ISM1: variants seen among roughly 807,000 people sequenced by gnomAD.
ISM1 encodes isthmin 1, also known as isthmin-1.
Under a neutral mutation model 46.3 loss-of-function variants are expected in ISM1, and 25 were observed. The ratio of observed to expected loss-of-function variants is 0.54; its 90% confidence interval spans 0.39 to 0.75. The LOEUF (loss-of-function observed/expected upper bound fraction) is 0.75. Ranked by LOEUF, ISM1 falls within the 30% of genes least tolerant of loss-of-function variation. The probability of loss-of-function intolerance (pLI) is 0.00; values close to 1 mark genes in which losing one functional copy is unlikely to be tolerated. For synonymous variants in ISM1, 255 were observed against 256.7 expected (o/e 0.99, Z 0.06); for missense variants, 536 against 625.4 (o/e 0.86, Z 1.52).
At chr20:13,278,019 A>G (rs951405413) in intron 2 of ISM1, among the ~76,000 whole-genome samples, 5 of 152,190 alleles carry the variant, frequency 3.3e-5, no homozygotes, top group African/African-American at 1.2e-4. Flanking sequence ...CAGCAACTCT[A>G]TCAGATGTCA....
intron 3 of ISM1, among the ~76,000 whole-genome samples, chr20:13,283,503 G>A (rs2040259115): frequency 6.6e-6 from 1 of 152,100 alleles, no homozygotes; most frequent in Non-Finnish European, 1.5e-5. Flanking sequence ...AATACATGTA[G>A]GATACAATGG....
chr20:13,283,596 G>A (rs964567444), intron 3 of ISM1, among the ~76,000 whole-genome samples: 1 of 152,206 alleles, frequency 6.6e-6, no homozygotes, highest in Non-Finnish European at 1.5e-5. Flanking sequence ...ATGATGCTGT[G>A]AGTCAGCTCA....
intron 1 of ISM1, among the ~76,000 whole-genome samples, chr20:13,234,677 G>C (rs2039627742): frequency 6.6e-6 from 1 of 152,104 alleles, no homozygotes; most frequent in African/African-American, 2.4e-5. Context: ...TCTCATTGTG[G>C]TTTTAATTTT....
At chr20:13,313,865 G>C in the ISM1 span, among the ~76,000 whole-genome samples, 2 of 152,176 alleles carry the variant, frequency 1.3e-5, no homozygotes, top group African/African-American at 4.8e-5. Context: ...AGGGTGCTAA[G>C]GGCTCTAATG....
intron 1 of ISM1, 90 bp downstream of exon 1, chr20:13,222,004 G>T: frequency 8.5e-7 from 1 of 1,178,090 alleles, no homozygotes; most frequent in Non-Finnish European, 1.1e-6. Context: ...GATGCAGGGA[G>T]GCAGGTCCCC....
intron 1 of ISM1, among the ~76,000 whole-genome samples, chr20:13,223,022 G>A (rs1247072541): frequency 1.3e-5 from 2 of 152,124 alleles, no homozygotes; most frequent in Admixed American, 6.5e-5. Flanking sequence ...AATTAGCTGG[G>A]CGTGGTGGCG....
downstream of ISM1, among the ~76,000 whole-genome samples, chr20:13,304,610 G>T (rs2040485712): frequency 6.6e-6 from 1 of 152,166 alleles, no homozygotes. Flanking sequence ...CAGTGAGCTT[G>T]CACAGAAGAC....
At chr20:13,273,967 A>C (rs550102030) in intron 2 of ISM1, among the ~76,000 whole-genome samples, 5 of 152,326 alleles carry the variant, frequency 3.3e-5, no homozygotes, top group Admixed American at 2.0e-4. Context: ...GGAAGACCAC[A>C]AAATGTTAGT....
chr20:13,235,613 G>A (rs1257630135), intron 1 of ISM1, among the ~76,000 whole-genome samples: 1 of 152,104 alleles, frequency 6.6e-6, no homozygotes, highest in Non-Finnish European at 1.5e-5. Context: ...TCATCCTATG[G>A]GTTGCTCTGG....
chr20:13,303,595 T>C (rs560836547), downstream of ISM1, among the ~76,000 whole-genome samples: 6 of 152,298 alleles, frequency 3.9e-5, no homozygotes, highest in South Asian at 1.2e-3. Flanking sequence ...AGTCAGGCAA[T>C]GTGCAGAGGG....
At chr20:13,258,326 C>T (rs538519452) in intron 1 of ISM1, among the ~76,000 whole-genome samples, 131 of 152,230 alleles carry the variant, frequency 8.6e-4, no homozygotes, top group Non-Finnish European at 1.6e-3. Context: ...CTTTGGTTAA[C>T]AGTAGCCTCT....
At position 13,242,990 on chromosome 20, in the gene ISM1, A is replaced by G. The variant is rs1422793942; in HGVS notation, c.138+21076A>G. Among the ~76,000 whole-genome samples the G allele has an allele frequency of 3.3e-5, 5 of 152,188 alleles. No homozygotes were observed. In the East Asian group the frequency reaches 9.6e-4, roughly 29 times the overall value. On this transcript the variant is annotated intron_variant, in intron 1 of 5. Coordinates refer to ENST00000262487, the MANE Select transcript of ISM1 (RefSeq NM_080826.2). ...TGAGGTAGGCATTATTGTTATCCTCATTTTACACAATAAGGTTAAGTACCT... is the reference window on the plus strand; with the variant it reads ...TGAGGTAGGCATTATTGTTATCCTCGTTTTACACAATAAGGTTAAGTACCT...
chr20:13,322,040 G>T, the ISM1 span, among the ~76,000 whole-genome samples: 2 of 152,328 alleles, frequency 1.3e-5, no homozygotes, highest in East Asian at 3.9e-4. Context: ...TTGTGCATGT[G>T]TATCGCTTAA....
intron 1 of ISM1, among the ~76,000 whole-genome samples, chr20:13,261,806 G>T (rs957544427): frequency 3.9e-4 from 60 of 152,230 alleles, no homozygotes; most frequent in African/African-American, 1.4e-3. Context: ...ACTTGGCAAG[G>T]GTCCCTAGGC....
chr20:13,279,645 G>A lies in ISM1; in HGVS notation c.390G>A (p.Glu130=), dbSNP rs751129556. 71 of 1,613,458 alleles carry A rather than the reference G, an allele frequency of 4.4e-5. No homozygotes were observed. The highest frequency in any genetic ancestry group is 1.1e-4 in the African/African-American group (8 of 74,930). ...GQNPNIQVTI[E]VVDGPDSEAD... is the part of the protein sequence containing the mutation. ...TCTGAATTCTTCAGGTCACCATAGA[G>A]GTGGTCGACGGTCCTGACTCTGAAG... Residue 130 remains glutamate, a synonymous_variant, in exon 3 of 6, where the codon GAG becomes GAA. Transcript: ENST00000262487.
At chr20:13,225,997 C>A (rs753538756) in intron 1 of ISM1, among the ~76,000 whole-genome samples, 37 of 152,238 alleles carry the variant, frequency 2.4e-4, no homozygotes, top group Non-Finnish European at 4.1e-4. Context: ...ATTGCCTTTC[C>A]ACTAAATCTC....
At chr20:13,246,096 G>A (rs6109774) in intron 1 of ISM1, among the ~76,000 whole-genome samples, 37,451 of 151,652 alleles carry the variant, frequency 0.25, 4,653 homozygotes, top group African/African-American at 0.3. Context: ...GTGAAACCCC[G>A]TCTCTACTGA....
chr20:13,309,141 T>C, the ISM1 span, among the ~76,000 whole-genome samples: 1 of 152,208 alleles, frequency 6.6e-6, no homozygotes, highest in Non-Finnish European at 1.5e-5. Context: ...GGCTACATTA[T>C]ATCTGGACAC....
intron 3 of ISM1, among the ~76,000 whole-genome samples, chr20:13,284,816 T>C (rs529776566): frequency 6.6e-6 from 1 of 152,098 alleles, no homozygotes; most frequent in African/African-American, 2.4e-5. Context: ...GGGACCCATA[T>C]GAAAAAAATG....
Sources: gnomAD v4.1 joint callset for allele counts (sites outside exome capture counted in the v4.1 genomes callset) on GRCh38, gnomAD v4.1.1 for gene constraint, MANE v1.5 for transcripts, NCBI Gene and HGNC (gene_info 2026-07-23, HGNC 2026-07-21) for gene names.